The following HERPUD2 variants were observed in gnomAD, a reference collection of about 807,000 sequenced individuals.
The protein encoded by HERPUD2 is homocysteine-responsive endoplasmic reticulum-resident ubiquitin-like domain member 2 protein.
A neutral mutation model predicts 49.9 loss-of-function variants in HERPUD2; 13 were observed. That is an observed-to-expected ratio of 0.26 (90% confidence interval 0.17 to 0.41). HERPUD2 has a LOEUF of 0.41. HERPUD2 is among the 10% of genes least tolerant of loss of function. The pLI is 1.00. For missense variants in HERPUD2, 449 were observed against 492.2 expected (o/e 0.91, Z 0.83); for synonymous variants, 172 against 171.4 (o/e 1.00, Z -0.03).
chr7:35,656,510 T>C (rs1785278621), intron 5 of HERPUD2, among the ~76,000 whole-genome samples: 1 of 151,938 alleles, frequency 6.6e-6, no homozygotes, highest in Admixed American at 6.6e-5. Context: ...ACAGTGAAAG[T>C]AATCCTGAAC....
At chr7:35,648,786 AAG>A (rs1216201961) in intron 5 of HERPUD2, among the ~76,000 whole-genome samples, 1 of 152,222 alleles carries the variant, frequency 6.6e-6, no homozygotes, top group African/African-American at 2.4e-5. Context: ...CAATCCAAGA[AAG>A]AGCTGCACCA....
intron 5 of HERPUD2, among the ~76,000 whole-genome samples, chr7:35,656,176 T>TA (rs1195795324): frequency 6.6e-6 from 1 of 151,044 alleles, no homozygotes; most frequent in African/African-American, 2.4e-5. Context: ...AAAATAAAAT[T>TA]AAAAAAAGAA....
At chr7:35,649,096 A>C (rs919960454) in intron 5 of HERPUD2, among the ~76,000 whole-genome samples, 1 of 151,968 alleles carries the variant, frequency 6.6e-6, no homozygotes, top group African/African-American at 2.4e-5. Flanking sequence ...CTAAAAATAC[A>C]AAAAATTAGC....
chr7:35,677,846 C>G (rs887534715), intron 2 of HERPUD2, among the ~76,000 whole-genome samples: 5 of 152,154 alleles, frequency 3.3e-5, no homozygotes, highest in Non-Finnish European at 7.3e-5. Flanking sequence ...GTTGGACTTA[C>G]AGAACAATAT....
rs144606048 is a variant in HERPUD2, at chr7:35,670,219, T to C, written c.335A>G (p.Asn112Ser). 1 of 1,518,498 alleles carries C rather than the reference T, an allele frequency of 6.6e-7. No individual in the cohort carries two copies. Among genetic ancestry groups the C allele is most frequent in the East Asian group, 2.3e-5 (1 of 42,942 alleles). 94.1% of individuals were successfully genotyped at this position (1,518,498 alleles called of 1,614,324 possible). The change falls in exon 4 of 9, where the codon AAT (asparagine) becomes AGT (serine). Residue 112 changes from asparagine to serine, a missense_variant. Asn to Ser is a conservative substitution (Grantham distance 46). Coordinates refer to ENST00000311350, the MANE Select transcript of HERPUD2 (RefSeq NM_022373.5). ...ESHEALASSS[N>S]SSSDHSGSTT... ...ACTCCTCCCAAAACAACTCACAGAA[T>C]TGCTGCTGGATGCCAATGCTTCATG...
In HERPUD2 at chr7:35,675,079, T is replaced by C. The variant is rs115679460; in HGVS notation, c.148-1801A>G. Among the ~76,000 whole-genome samples, 822 of 152,212 alleles carry C rather than the reference T, an allele frequency of 5.4e-3. 6 individuals carry two copies. The highest frequency in any genetic ancestry group is 0.019 in the African/African-American group (790 of 41,540). ...CACAACCTGTGCTTGGGACCACATA[T>C]GAAGGGGGGCAGTCTTGTGGGATTG... On this transcript the variant is annotated intron_variant, in intron 2 of 8. Coordinates refer to ENST00000311350, the MANE Select transcript of HERPUD2 (RefSeq NM_022373.5).
chr7:35,685,630 AT>A (rs1389369911), intron 2 of HERPUD2, among the ~76,000 whole-genome samples: 3 of 151,862 alleles, frequency 2.0e-5, no homozygotes, highest in Non-Finnish European at 4.4e-5. Context: ...CTGGCCGGAA[AT>A]TTTTTATGCC....
At position 35,694,361 on chromosome 7, in the gene HERPUD2, G is replaced by C. The variant is rs1480574288; in HGVS notation, c.-31C>G. On this transcript the variant is annotated 5_prime_UTR_variant, in exon 2 of 9. Transcript: ENST00000311350. ...CCCCAAAGTCAGACAGAGTCCAGAG[G>C]AGCGGCAGTTAAGCCCAAAAGAGCC... The C allele has an allele frequency of 6.2e-7, 1 of 1,613,610 alleles. No individual in the cohort carries two copies. Among genetic ancestry groups the C allele is most frequent in the Non-Finnish European group, 8.5e-7 (1 of 1,179,736 alleles).
At chr7:35,661,081 T>G (rs575496803) in intron 5 of HERPUD2, among the ~76,000 whole-genome samples, 1 of 152,358 alleles carries the variant, frequency 6.6e-6, no homozygotes, top group South Asian at 2.1e-4. Context: ...GGATCTAGTT[T>G]CAGCTTTCTA....
rs189947354 is a variant in HERPUD2, at chr7:35,666,242, T to C, written c.494+1192A>G. Among the ~76,000 whole-genome samples, 11 of 152,372 alleles carry C rather than the reference T, an allele frequency of 7.2e-5. 1 individual carries two copies. Among genetic ancestry groups the C allele is most frequent in the Admixed American group, 7.2e-4 (11 of 15,306 alleles). ...AAAACAAAAATAGTTTCACAGGTAC[T>C]TTATGAAAGTCTACAACCAGCCTCA... is the stretch of plus-strand genomic sequence containing the variant. On this transcript the variant is annotated intron_variant, in intron 5 of 8. Transcript: ENST00000311350.
intron 5 of HERPUD2, among the ~76,000 whole-genome samples, chr7:35,659,311 C>T (rs781239931): frequency 1.3e-5 from 2 of 152,168 alleles, no homozygotes; most frequent in African/African-American, 2.4e-5. Flanking sequence ...TGAACCGTCA[C>T]ATCAATTGCT....
rs201529201 is a variant in HERPUD2 at position 35,637,160 on chromosome 7, AAGATAGATAGAT to A, written c.617+1178_617+1189del. The stretch of plus-strand genomic sequence containing the variant: ...AAAAAAAGAAAGAAAGAAAGAAAGA[AAGATAGATAGAT>A]AGATAGATAGATAGATAGATAGATA... On this transcript the variant is annotated intron_variant, in intron 6 of 8. Transcript: ENST00000311350. Among the ~76,000 whole-genome samples, 904 of 144,162 alleles carry A rather than the reference AAGATAGATAGAT, an allele frequency of 6.3e-3. 8 individuals are homozygous for A. The highest frequency in any genetic ancestry group is 0.022 in the African/African-American group (828 of 38,260). 94.6% of individuals were successfully genotyped at this position (144,162 alleles called of 152,430 possible).
chr7:35,636,970 C>A (rs965515208), intron 6 of HERPUD2, among the ~76,000 whole-genome samples: 5 of 151,986 alleles, frequency 3.3e-5, no homozygotes, highest in African/African-American at 4.8e-5. Context: ...CCTGTCTGTA[C>A]TAAAAATACA....
chr7:35,643,694 T>C (rs995663102), intron 5 of HERPUD2, among the ~76,000 whole-genome samples: 2 of 151,118 alleles, frequency 1.3e-5, no homozygotes, highest in Non-Finnish European at 3.0e-5. Context: ...TAATAAATTA[T>C]TATGGAAAGG....
intron 5 of HERPUD2, among the ~76,000 whole-genome samples, chr7:35,661,066 G>A (rs191634902): frequency 1.2e-3 from 179 of 152,310 alleles, no homozygotes; most frequent in African/African-American, 4.2e-3. Context: ...CAAGGTGTAA[G>A]GAAGGGATCT....
chr7:35,655,957 T>C (rs1411011598), intron 5 of HERPUD2, among the ~76,000 whole-genome samples: 2 of 152,104 alleles, frequency 1.3e-5, no homozygotes, highest in African/African-American at 2.4e-5. Flanking sequence ...GGTCAGGAGT[T>C]TGAGACCAGC....
chr7:35,664,778 G>A (rs1055858610), intron 5 of HERPUD2, among the ~76,000 whole-genome samples: 5 of 152,052 alleles, frequency 3.3e-5, no homozygotes, highest in Admixed American at 6.6e-5. Context: ...GTTTATTCTC[G>A]TTAGCCATTT....
chr7:35,680,726 T>C (rs1448073544), intron 2 of HERPUD2, among the ~76,000 whole-genome samples: 3 of 152,258 alleles, frequency 2.0e-5, no homozygotes, highest in Admixed American at 6.5e-5. Flanking sequence ...AGGTCTTCCT[T>C]GACTTACAAA....
chr7:35,686,706 G>A (rs1371547853), intron 2 of HERPUD2, among the ~76,000 whole-genome samples: 2 of 59,572 alleles, frequency 3.4e-5, no homozygotes, highest in Non-Finnish European at 5.9e-5. Flanking sequence ...GCGACAGAAC[G>A]ACACTCCGTC....
Sources: gnomAD v4.1 joint callset for allele counts (sites outside exome capture counted in the v4.1 genomes callset) on GRCh38, gnomAD v4.1.1 for gene constraint, MANE v1.5 for transcripts, NCBI Gene and HGNC (gene_info 2026-07-23, HGNC 2026-07-21) for gene names.